Variants in BEND2 observed in about 807,000 individuals in gnomAD.
The protein encoded by BEND2 is BEN domain-containing protein 2.
A neutral mutation model predicts 43.8 loss-of-function variants in BEND2; 19 were observed. The ratio of observed to expected loss-of-function variants is 0.43; its 90% CI spans 0.30 to 0.64. The LOEUF is 0.64. Ranked by LOEUF, BEND2 falls within the 30% of genes least tolerant of loss-of-function variation. The probability of loss-of-function intolerance (pLI) is 0.11; values close to 1 mark genes in which losing one functional copy is unlikely to be tolerated. For synonymous variants in BEND2, 226 were observed against 210.1 expected (o/e 1.08, Z -0.66); for missense variants, 544 against 574.0 (o/e 0.95, Z 0.53).
intron 1 of BEND2, among the ~76,000 whole-genome samples, chrX:18,219,793 C>T (rs982293487): frequency 8.9e-6 from 1 of 111,749 alleles, no homozygotes; most frequent in African/African-American, 3.3e-5. Flanking sequence ...GTAGTCTCCG[C>T]TCCTCAGGAG....
chrX:18,209,404 A>C (rs780415583), intron 4 of BEND2, among the ~76,000 whole-genome samples: 1 of 111,283 alleles, frequency 9.0e-6, no homozygotes, highest in African/African-American at 3.3e-5. Flanking sequence ...ATCCCCTGCC[A>C]CCCAAAATCT....
intron 1 of BEND2, among the ~76,000 whole-genome samples, chrX:18,220,084 T>C (rs1477584690): frequency 1.8e-5 from 2 of 111,288 alleles, no homozygotes; most frequent in Non-Finnish European, 3.8e-5. Flanking sequence ...AAGTATCTAA[T>C]AAGCTTCGAA....
intron 8 of BEND2, among the ~76,000 whole-genome samples, chrX:18,190,319 A>C (rs1754749095): frequency 8.9e-6 from 1 of 111,987 alleles, no homozygotes; most frequent in South Asian, 3.7e-4. Flanking sequence ...CAAAAACAAC[A>C]ATCTAGATGT....
chrX:18,170,830 G>C, intron 13 of BEND2, 171 bp downstream of exon 13: 2 of 935,410 alleles, frequency 2.1e-6, no homozygotes, highest in Non-Finnish European at 2.9e-6. Context: ...CAAATGCAGA[G>C]AGAAATACAA....
At chrX:18,175,365 G>A (rs1167532508) in intron 11 of BEND2, among the ~76,000 whole-genome samples, 3 of 111,991 alleles carry the variant, frequency 2.7e-5, no homozygotes, top group Non-Finnish European at 5.6e-5. Context: ...TTCATCAGAA[G>A]ACAACAGATA....
chrX:18,201,427 A>ACAAAAAAC (rs1200469991), intron 6 of BEND2, among the ~76,000 whole-genome samples: 1 of 86,430 alleles, frequency 1.2e-5, no homozygotes, highest in African/African-American at 4.3e-5. Context: ...ACAAAAAAAA[A>ACAAAAAAC]AAAACTGGTG....
rs1255555480 is a variant in BEND2 at position 18,178,091 on chromosome X, G to A, written c.1430-322C>T. 4.5e-5 allele frequency among the ~76,000 whole-genome samples: 5 copies of A among 111,693 alleles called. No homozygotes were observed. The East Asian group carries it at 8.5e-4, about 19-fold the overall frequency. ...TCATTGTTAGGCTGCAGGTGCATAT[G>A]TAAACATGTTGCCCTGAGTTCCCAC... is the stretch of plus-strand genomic sequence containing the variant. On this transcript the variant is annotated intron_variant, in intron 9 of 13. Coordinates refer to ENST00000380033, the MANE Select transcript of BEND2 (RefSeq NM_153346.5).
chrX:18,202,432 G>A (rs1175319179), intron 5 of BEND2, among the ~76,000 whole-genome samples: 1 of 111,953 alleles, frequency 8.9e-6, no homozygotes, highest in East Asian at 2.8e-4. Context: ...CCTTTAAGAT[G>A]ATTAAGCTAT....
chrX:18,190,655 T>C (rs1032088733), intron 8 of BEND2, among the ~76,000 whole-genome samples: 1 of 110,348 alleles, frequency 9.1e-6, no homozygotes, highest in Admixed American at 9.8e-5. Context: ...CTGGAAGTCA[T>C]GGGACAGTCT....
At chrX:18,211,366 C>T (rs1457158215) in intron 4 of BEND2, among the ~76,000 whole-genome samples, 1 of 112,026 alleles carries the variant, frequency 8.9e-6, no homozygotes, top group Non-Finnish European at 1.9e-5. Context: ...CCTAAAACTT[C>T]CACTCTCAGG....
intron 12 of BEND2, among the ~76,000 whole-genome samples, chrX:18,171,424 C>T (rs1485826046): frequency 9.0e-6 from 1 of 111,406 alleles, no homozygotes; most frequent in African/African-American, 3.3e-5. Context: ...TCACTGCAGC[C>T]CCAGCCTCCC....
Position 18,196,230 on chromosome X carries a change from T to C in BEND2, c.1034-788A>G, listed in dbSNP as rs749196905. On this transcript the variant is annotated intron_variant, in intron 6 of 13. Transcript: ENST00000380033. Reference sequence around the variant, plus strand: ...AAGAGAACTGCTTGAACCTGGGAGGTAGAGGTTGCAGTAAGCCCAGATCAC... The same window carrying C: ...AAGAGAACTGCTTGAACCTGGGAGGCAGAGGTTGCAGTAAGCCCAGATCAC... Among the ~76,000 whole-genome samples the C allele has an allele frequency of 1.2e-4, 12 of 103,957 alleles. No homozygotes were observed. In the South Asian group the frequency reaches 4.9e-3, roughly 42 times the overall value. 90.3% of individuals were successfully genotyped at this position (103,957 alleles called of 115,157 possible). A position where few individuals can be genotyped will look rare whatever the true frequency, so the allele number is the denominator to read the frequency against.
chrX:18,219,238 GA>G (rs1925770929), intron 1 of BEND2, among the ~76,000 whole-genome samples: 1 of 112,439 alleles, frequency 8.9e-6, no homozygotes, highest in African/African-American at 3.2e-5. Context: ...AAAGCTGCTG[GA>G]AAAATCGCTT....
chrX:18,195,574 A>G, intron 6 of BEND2, 132 bp from the exon 7 acceptor site: 1 of 635,249 alleles, frequency 1.6e-6, no homozygotes, highest in Non-Finnish European at 2.3e-6. Flanking sequence ...ACTTATCCAT[A>G]TAAAAGGTTA....
chrX:18,191,138 AC>A (rs759022902), intron 7 of BEND2, 30 bp from the exon 8 acceptor site: 1 of 1,101,960 alleles, frequency 9.1e-7, no homozygotes, highest in Admixed American at 2.4e-5. Context: ...AATATGTAAA[AC>A]ATTTTGCAGT....
rs770529341 is a variant in BEND2 at position 18,203,744 on chromosome X, C to T, written c.664G>A (p.Ala222Thr). The T allele has an allele frequency of 5.7e-5, 69 of 1,209,482 alleles. No homozygotes were observed. Among genetic ancestry groups the T allele is most frequent in the East Asian group, 8.9e-5 (3 of 33,766 alleles). The change falls in exon 5 of 14, where the codon GCA (alanine) becomes ACA (threonine). Residue 222 changes from alanine (A) to threonine (T), a missense_variant. This residue lies in a region of BEND2 where 501 missense variants were observed against 501.6 expected (regional missense o/e 1.00). Transcript: ENST00000380033. Reference sequence around the variant, plus strand: ...AAACAAGGAAATGAGCCACCTTGTGCGACATACTGCTGTAATGAACTTGAG... The same window carrying T: ...AAACAAGGAAATGAGCCACCTTGTGTGACATACTGCTGTAATGAACTTGAG... ...VSSSSLQQYVAQGGSFPCFGM... is the reference protein window; with the variant it reads ...VSSSSLQQYVTQGGSFPCFGM...
intron 2 of BEND2, among the ~76,000 whole-genome samples, chrX:18,215,061 T>C (rs894183410): frequency 1.8e-5 from 2 of 111,739 alleles, no homozygotes; most frequent in African/African-American, 6.5e-5. Flanking sequence ...GGTTCTGTTA[T>C]CTGTTTTCCA....
chrX:18,175,969 T>C lies in BEND2; in HGVS notation c.1752+3A>G, dbSNP rs755976101. On this transcript the variant is annotated splice_donor_region_variant and intron_variant, in intron 11 of 13. Coordinates refer to ENST00000380033, the MANE Select transcript of BEND2 (RefSeq NM_153346.5). ...TACCATATTTAGATGAAAAATAACT[T>C]ACTGGAGTACTCTTGCCTTCAGAAC... 1 of 1,182,958 alleles carries C rather than the reference T, an allele frequency of 8.5e-7. No individual in the cohort carries two copies. Among genetic ancestry groups the C allele is most frequent in the East Asian group, 3.0e-5 (1 of 33,240 alleles).
intron 4 of BEND2, among the ~76,000 whole-genome samples, chrX:18,206,438 A>T (rs1925335512): frequency 9.0e-6 from 1 of 111,486 alleles, no homozygotes; most frequent in Admixed American, 9.6e-5. Context: ...TCCAGGAGCG[A>T]GGCTGTCATG....
Sources: gnomAD v4.1 joint callset for allele counts (sites outside exome capture counted in the v4.1 genomes callset) on GRCh38, gnomAD v4.1.1 for gene constraint, gnomAD v4.1.1 regional missense constraint, MANE v1.5 for transcripts, NCBI Gene and HGNC (gene_info 2026-07-23, HGNC 2026-07-21) for gene names.